Variants in RIN2 observed in about 807,000 individuals in gnomAD.
The protein encoded by RIN2 is RAB5 interacting protein 2.
Under a neutral mutation model 78.0 loss-of-function variants are expected in RIN2, and 36 were observed. The ratio of observed to expected loss-of-function variants is 0.46; its 90% CI spans 0.35 to 0.61. The LOEUF (loss-of-function observed/expected upper bound fraction) is 0.61. Ranked by LOEUF, RIN2 falls within the 20% of genes least tolerant of loss-of-function variation. The pLI is 0.00. For missense variants in RIN2, 1,087 were observed against 1,159.7 expected, an observed-to-expected ratio of 0.94 and a Z score of 0.91; for synonymous variants, 466 against 466.8, an observed-to-expected ratio of 1.00 and a Z score of 0.02.
At chr20:19,781,049 A>G (rs2034485653) in intron 1 of RIN2, among the ~76,000 whole-genome samples, 1 of 152,218 alleles carries the variant, frequency 6.6e-6, no homozygotes, top group Non-Finnish European at 1.5e-5. Context: ...CCAGGTGATA[A>G]TGCAGGGATC....
intron 2 of RIN2, among the ~76,000 whole-genome samples, chr20:19,850,231 T>C (rs533282202): frequency 6.6e-6 from 1 of 152,336 alleles, no homozygotes; most frequent in Admixed American, 6.5e-5. Flanking sequence ...TTGCCGTTTT[T>C]AACCTCCCTT....
At chr20:19,800,848 A>T (rs976491100) in intron 2 of RIN2, among the ~76,000 whole-genome samples, 1 of 152,254 alleles carries the variant, frequency 6.6e-6, no homozygotes, top group Non-Finnish European at 1.5e-5. Context: ...TTTACAAGTA[A>T]GAAAACAGAA....
At chr20:19,758,420 C>G (rs2033470128) in intron 1 of RIN2, 93 bp downstream of exon 1, 1 of 152,206 alleles carries the variant, frequency 6.6e-6, no homozygotes, top group African/African-American at 2.4e-5. Flanking sequence ...CTCTGGGGTT[C>G]CAGACGTGGG....
intron 2 of RIN2, among the ~76,000 whole-genome samples, chr20:19,846,301 C>A (rs1185211659): frequency 6.6e-6 from 1 of 152,162 alleles, no homozygotes; most frequent in Non-Finnish European, 1.5e-5. Flanking sequence ...AACATTAAAT[C>A]TATAAATTAC....
rs150525412 is a variant in RIN2, at chr20:19,781,969, G to A, written c.-162-17653G>A. 1.3e-3 allele frequency among the ~76,000 whole-genome samples: 192 copies of A among 152,098 alleles called. 2 individuals are homozygous for A. The highest frequency in any genetic ancestry group is 4.1e-3 in the African/African-American group (171 of 41,506). On this transcript the variant is annotated intron_variant, in intron 1 of 12. Transcript: ENST00000255006. ...TCCATTTCCCATGGTAGGTTACTAA[G>A]GTAGTGTAATTTGGCTTTACATTTT...
intron 2 of RIN2, among the ~76,000 whole-genome samples, chr20:19,853,859 G>A (rs1297788641): frequency 6.6e-6 from 1 of 152,038 alleles, no homozygotes; most frequent in Non-Finnish European, 1.5e-5. Flanking sequence ...AGTTTCTTTT[G>A]CTGTGCAGAA....
intron 2 of RIN2, among the ~76,000 whole-genome samples, chr20:19,801,472 C>T (rs62203170): frequency 0.076 from 11,488 of 152,042 alleles, 418 homozygotes; most frequent in South Asian, 0.11. Context: ...AGGCCCCCAC[C>T]ACCACGCCCG....
chr20:19,802,761 T>G (rs1167257085), intron 2 of RIN2, among the ~76,000 whole-genome samples: 1 of 152,184 alleles, frequency 6.6e-6, no homozygotes, highest in Non-Finnish European at 1.5e-5. Context: ...TAGGTTTTAG[T>G]GCCCTATTTC....
At chr20:19,798,621 C>T (rs923098875) in intron 1 of RIN2, among the ~76,000 whole-genome samples, 26 of 151,950 alleles carry the variant, frequency 1.7e-4, no homozygotes, top group Admixed American at 1.2e-3. Context: ...AACACATATA[C>T]GTGTGTGTGT....
intron 9 of RIN2, among the ~76,000 whole-genome samples, chr20:19,989,569 C>G (rs1222010559): frequency 6.6e-6 from 1 of 152,164 alleles, no homozygotes; most frequent in East Asian, 1.9e-4. Context: ...AGCTACCACG[C>G]CTGGCCCTCA....
intron 11 of RIN2, 132 bp downstream of exon 11, chr20:19,992,431 CAAT>C (rs1220122838): frequency 1.2e-6 from 1 of 840,794 alleles, no homozygotes. Context: ...AGTATATTCA[CAAT>C]GTCATGCATT....
chr20:19,831,914 C>T (rs2036261816), intron 2 of RIN2, among the ~76,000 whole-genome samples: 2 of 152,104 alleles, frequency 1.3e-5, no homozygotes, highest in African/African-American at 4.8e-5. Context: ...CAAACAAAAA[C>T]AAATGCATGT....
At chr20:19,836,050 G>C (rs1347612348) in intron 2 of RIN2, among the ~76,000 whole-genome samples, 1 of 152,192 alleles carries the variant, frequency 6.6e-6, no homozygotes, top group Non-Finnish European at 1.5e-5. Context: ...AAGTCGCCCT[G>C]TTCTGCATCC....
At chr20:19,943,313 G>C (rs556011684) in intron 4 of RIN2, among the ~76,000 whole-genome samples, 1 of 152,116 alleles carries the variant, frequency 6.6e-6, no homozygotes, top group African/African-American at 2.4e-5. Flanking sequence ...CTTACCTCCC[G>C]AAATGGCAGC....
intron 2 of RIN2, among the ~76,000 whole-genome samples, chr20:19,863,844 G>A (rs1488845892): frequency 6.6e-6 from 1 of 152,062 alleles, no homozygotes; most frequent in Non-Finnish European, 1.5e-5. Context: ...GATGACCATA[G>A]ATGGGAGAGG....
chr20:19,899,445 A>G (rs2038883389), intron 3 of RIN2, among the ~76,000 whole-genome samples: 1 of 152,242 alleles, frequency 6.6e-6, no homozygotes, highest in African/African-American at 2.4e-5. Context: ...CTGAAGCTGT[A>G]CTATCTATTG....
intron 3 of RIN2, among the ~76,000 whole-genome samples, chr20:19,894,121 C>T (rs966438414): frequency 6.6e-6 from 1 of 152,112 alleles, no homozygotes; most frequent in Non-Finnish European, 1.5e-5. Flanking sequence ...GAAGGGGTAA[C>T]ACCCTACACA....
At chr20:19,845,063 T>A (rs2123126338) in intron 2 of RIN2, among the ~76,000 whole-genome samples, 1 of 152,302 alleles carries the variant, frequency 6.6e-6, no homozygotes, top group East Asian at 1.9e-4. Flanking sequence ...GGACATGACC[T>A]CATCCTTTTT....
At chr20:19,844,601 C>CTCTTCTTCTTCT (rs1181481041) in intron 2 of RIN2, among the ~76,000 whole-genome samples, 173 of 122,982 alleles carry the variant, frequency 1.4e-3, no homozygotes, top group Middle Eastern at 4.3e-3. Flanking sequence ...CTGCTTCTTC[C>CTCTTCTTCTTCT]TCTTCTTCTT....
Sources: allele counts gnomAD v4.1 joint callset (sites outside exome capture counted in the v4.1 genomes callset), GRCh38; gene constraint gnomAD v4.1.1; transcripts MANE v1.5; gene names NCBI Gene and HGNC (gene_info 2026-07-23, HGNC 2026-07-21).